Variants in VRK2 observed in about 807,000 individuals in gnomAD.
The protein encoded by VRK2 is serine/threonine-protein kinase VRK2.
In VRK2, 60 loss-of-function variants were observed where a neutral mutation model predicts 57.6. The observed-to-expected ratio is 1.04, with a 90% confidence interval of 0.85 to 1.29. VRK2 has a LOEUF of 1.29. VRK2 is among the 50% of genes most tolerant of loss of function. The pLI is 0.00. For missense variants in VRK2, 705 were observed against 588.1 expected (o/e 1.20, Z -2.06); for synonymous variants, 231 against 199.2 (o/e 1.16, Z -1.35).
chr2:58,021,307 C>T lies in VRK2; in HGVS notation c.-438-4358C>T, dbSNP rs374658548. 3.2e-4 allele frequency among the ~76,000 whole-genome samples: 49 copies of T among 152,232 alleles called. No individual in the cohort carries two copies. The South Asian group carries it at 9.5e-3, about 30-fold the overall frequency. On this transcript the variant is annotated intron_variant, in intron 1 of 15. Transcript: ENST00000417641. ...TTCCTAACATCTAACCAGGGACCCA[C>T]TGAGTGTGTATGGACTCCAAATTAA...
chr2:58,069,865 C>A (rs1273378990), intron 2 of VRK2, among the ~76,000 whole-genome samples: 1 of 152,122 alleles, frequency 6.6e-6, no homozygotes, highest in East Asian at 1.9e-4. Flanking sequence ...AAGGTTTGGG[C>A]TTCCTTGAGT....
intron 7 of VRK2, among the ~76,000 whole-genome samples, chr2:58,106,768 A>C (rs1045746997): frequency 1.5e-4 from 23 of 152,208 alleles, no homozygotes; most frequent in Admixed American, 5.2e-4. Flanking sequence ...TGCTTTTTAC[A>C]GCTCACTAAA....
chr2:58,073,276 T>G (rs1469670056), intron 2 of VRK2, among the ~76,000 whole-genome samples: 1 of 152,100 alleles, frequency 6.6e-6, no homozygotes, highest in Non-Finnish European at 1.5e-5. Context: ...AGAATGTATA[T>G]TCTGCTGTTG....
intron 1 of VRK2, among the ~76,000 whole-genome samples, chr2:58,006,892 C>A (rs867740945): frequency 6.6e-6 from 1 of 152,124 alleles, no homozygotes; most frequent in African/African-American, 2.4e-5. Flanking sequence ...AATGGAGAGT[C>A]ATGACCTCCC....
At chr2:58,010,541 T>C (rs1313619796) in intron 1 of VRK2, among the ~76,000 whole-genome samples, 1 of 152,118 alleles carries the variant, frequency 6.6e-6, no homozygotes, top group Non-Finnish European at 1.5e-5. Context: ...TGTTGGTTAA[T>C]TTTGCTCACC....
At chr2:58,024,610 A>C (rs1673867375) in intron 1 of VRK2, among the ~76,000 whole-genome samples, 1 of 152,168 alleles carries the variant, frequency 6.6e-6, no homozygotes, top group African/African-American at 2.4e-5. Context: ...GTTTGTCCTA[A>C]AATTGGGCCT....
chr2:57,911,773 A>T (rs571100709), intron 1 of VRK2, among the ~76,000 whole-genome samples: 2 of 152,212 alleles, frequency 1.3e-5, no homozygotes, highest in African/African-American at 4.8e-5. Flanking sequence ...TGAAATCTGA[A>T]AATCAGACCA....
At chr2:58,064,893 C>G (rs947170062) in intron 2 of VRK2, among the ~76,000 whole-genome samples, 6 of 151,880 alleles carry the variant, frequency 4.0e-5, no homozygotes, top group African/African-American at 1.2e-4. Flanking sequence ...GTTTTGGAAT[C>G]TAATCCAGGA....
At chr2:58,058,553 C>T (rs1232991675) in intron 2 of VRK2, 1 of 340,700 alleles carries the variant, frequency 2.9e-6, no homozygotes, top group Non-Finnish European at 5.9e-6. Flanking sequence ...CTGATGAGGC[C>T]ATGAACATAG....
chr2:57,998,503 A>G (rs1672993356), intron 1 of VRK2, among the ~76,000 whole-genome samples: 1 of 152,186 alleles, frequency 6.6e-6, no homozygotes, highest in African/African-American at 2.4e-5. Flanking sequence ...TGACAGGGAA[A>G]CAATGGAAAA....
intron 1 of VRK2, among the ~76,000 whole-genome samples, chr2:57,941,901 T>C (rs748817096): frequency 5.9e-5 from 9 of 152,226 alleles, no homozygotes; most frequent in African/African-American, 1.2e-4. Flanking sequence ...ATATTCCCTA[T>C]AGTTTGCATT....
At chr2:58,089,593 A>G in intron 6 of VRK2, 38 bp from the exon 7 acceptor site, 1 of 1,330,354 alleles carries the variant, frequency 7.5e-7, no homozygotes, top group Non-Finnish European at 1.1e-6. Context: ...TGAGTTCTAA[A>G]TAGCAGTAAA....
intron 1 of VRK2, 175 bp from the exon 2 acceptor site, chr2:58,048,652 G>T (rs1026716091): frequency 6.0e-6 from 9 of 1,502,886 alleles, no homozygotes; most frequent in Admixed American, 4.2e-5. Context: ...TAATGTATGT[G>T]AATTTCTAAT....
At chr2:58,064,994 C>G (rs1363356506) in intron 2 of VRK2, among the ~76,000 whole-genome samples, 1 of 152,038 alleles carries the variant, frequency 6.6e-6, no homozygotes, top group Admixed American at 6.6e-5. Flanking sequence ...GTGCTCATTT[C>G]AAGTCCACCT....
At chr2:58,091,681 A>G (rs1281910789) in intron 7 of VRK2, among the ~76,000 whole-genome samples, 1 of 152,030 alleles carries the variant, frequency 6.6e-6, no homozygotes, top group African/African-American at 2.4e-5. Flanking sequence ...ATTTGAGAAT[A>G]TCTAGCCGGT....
At chr2:57,968,782 T>C (rs55786752) in intron 1 of VRK2, among the ~76,000 whole-genome samples, 18,802 of 152,072 alleles carry the variant, frequency 0.12, 1,246 homozygotes, top group East Asian at 0.19. Flanking sequence ...AATCTAGAGA[T>C]AAGCCCAAAG....
In VRK2 at chr2:58,086,052, A is replaced by G. The variant is rs530938194; in HGVS notation, c.257-287A>G. ...TTATATTTAGAAATTTAGCTAGTAT[A>G]TAAGATAATGAATTCTTTTTATAGA... On this transcript the variant is annotated intron_variant, in intron 4 of 12. Coordinates refer to ENST00000340157, the MANE Select transcript of VRK2 (RefSeq NM_006296.7). 1.2e-3 allele frequency among the ~76,000 whole-genome samples: 182 copies of G among 151,020 alleles called. 2 individuals carry two copies. The highest frequency in any genetic ancestry group is 4.0e-3 in the African/African-American group (167 of 41,332).
chr2:57,968,452 T>C (rs1301127400), intron 1 of VRK2, among the ~76,000 whole-genome samples: 1 of 152,072 alleles, frequency 6.6e-6, no homozygotes, highest in Non-Finnish European at 1.5e-5. Context: ...TGCTTGATTC[T>C]TTAGTGTAAG....
intron 2 of VRK2, among the ~76,000 whole-genome samples, chr2:58,068,128 C>T (rs1668878398): frequency 1.3e-5 from 2 of 152,142 alleles, no homozygotes; most frequent in South Asian, 4.1e-4. Flanking sequence ...TGAGGTTTCA[C>T]CATGTTGCCC....
Sources: allele counts gnomAD v4.1 joint callset (sites outside exome capture counted in the v4.1 genomes callset), GRCh38; gene constraint gnomAD v4.1.1; transcripts MANE v1.5; gene names NCBI Gene and HGNC (gene_info 2026-07-23, HGNC 2026-07-21).